ELP4: variants seen among roughly 807,000 people sequenced by gnomAD.
The protein encoded by ELP4 is elongator acetyltransferase complex subunit 4, also known as elongator complex protein 4.
Under a neutral mutation model 48.9 loss-of-function variants are expected in ELP4, and 51 were observed. The ratio of observed to expected loss-of-function variants is 1.04; its 90% CI spans 0.83 to 1.32. The LOEUF (loss-of-function observed/expected upper bound fraction) is 1.32. Ranked by LOEUF, ELP4 falls within the 40% of genes most tolerant of loss-of-function variation. ELP4 has a pLI of 0.00. For synonymous variants in ELP4, 210 were observed against 189.2 expected, an observed-to-expected ratio of 1.11 and a Z score of -0.90; for missense variants, 519 against 514.6, an observed-to-expected ratio of 1.01 and a Z score of -0.08.
Position 31,509,964 on chromosome 11 carries a change from G to A in ELP4, c.180G>A (p.Gln60=). 1 of 1,612,948 alleles carries A rather than the reference G, an allele frequency of 6.2e-7. No homozygotes were observed. Among genetic ancestry groups the A allele is most frequent in the Non-Finnish European group, 8.5e-7 (1 of 1,180,030 alleles). ...CGCGACCGTCGGTGCGGAATGGACA[G>A]CTGCTGGTATCAACCGGGCTCCCAG... The part of the protein sequence containing the change: ...AGTRPSVRNG[Q]LLVSTGLPAL... The change falls in exon 1 of 10, where the codon CAG becomes CAA. Residue 60 remains glutamine (Q), a synonymous_variant. Transcript: ENST00000640961.
chr11:31,677,658 G>A (rs540889098), intron 9 of ELP4, among the ~76,000 whole-genome samples: 194 of 152,060 alleles, frequency 1.3e-3, no homozygotes, highest in African/African-American at 4.5e-3. Flanking sequence ...AAACAAGAAT[G>A]GAATGAAATA....
At chr11:31,739,784 G>A (rs996928761) in intron 9 of ELP4, among the ~76,000 whole-genome samples, 2 of 152,136 alleles carry the variant, frequency 1.3e-5, no homozygotes, top group Admixed American at 1.3e-4. Flanking sequence ...CAAGCACAAA[G>A]CAAGCACACA....
intron 5 of ELP4, among the ~76,000 whole-genome samples, chr11:31,605,419 C>T (rs1346598089): frequency 6.6e-6 from 1 of 151,864 alleles, no homozygotes. Flanking sequence ...TAGAAGCTTG[C>T]GAAATAGGTC....
At chr11:31,722,692 TCTC>T (rs1337736257) in intron 9 of ELP4, among the ~76,000 whole-genome samples, 102 of 125,960 alleles carry the variant, frequency 8.1e-4, no homozygotes, top group Middle Eastern at 3.9e-3. Flanking sequence ...TCTCTCTCTC[TCTC>T]TGTCTCTCTC....
chr11:31,770,846 AAAAC>A (rs1424966194), intron 9 of ELP4, among the ~76,000 whole-genome samples: 4 of 130,774 alleles, frequency 3.1e-5, no homozygotes, highest in Admixed American at 7.9e-5. Flanking sequence ...GAAAAAAAAA[AAAAC>A]AAGAAAGGAG....
intron 1 of ELP4, among the ~76,000 whole-genome samples, chr11:31,518,759 AGTG>A (rs1956162476): frequency 2.6e-5 from 4 of 151,530 alleles, no homozygotes; most frequent in Admixed American, 2.0e-4. Flanking sequence ...AGCTGGGTGT[AGTG>A]GTGGGTGCCT....
At chr11:31,723,403 A>G (rs985144338) in intron 9 of ELP4, among the ~76,000 whole-genome samples, 1 of 152,012 alleles carries the variant, frequency 6.6e-6, no homozygotes, top group African/African-American at 2.4e-5. Flanking sequence ...TCACTTACAA[A>G]ACATAAATTC....
rs181213397 is a variant in ELP4 at position 31,780,990 on chromosome 11, G to A, written c.1144-2403G>A. ...ATAAAGCTTTTTCATGTTTTCCTTC[G>A]CCAACTGTGATTTCTGGTTTGTGTC... On this transcript the variant is annotated intron_variant, in intron 9 of 9. Transcript: ENST00000640961. Among the ~76,000 whole-genome samples the A allele has an allele frequency of 3.9e-3, 589 of 152,176 alleles. 4 individuals are homozygous for A. Among genetic ancestry groups the A allele is most frequent in the African/African-American group, 0.014 (561 of 41,500 alleles).
At chr11:31,627,572 T>A (rs976217524) in intron 6 of ELP4, among the ~76,000 whole-genome samples, 1 of 152,090 alleles carries the variant, frequency 6.6e-6, no homozygotes, top group African/African-American at 2.4e-5. Context: ...CAAATTACCT[T>A]ATGAGTAAGA....
rs1440468856 is a variant in ELP4 at position 31,661,888 on chromosome 11, T to G, written c.1143+11667T>G. 5.9e-5 allele frequency among the ~76,000 whole-genome samples: 9 copies of G among 152,214 alleles called. No individual in the cohort carries two copies. In the East Asian group the frequency reaches 1.7e-3, roughly 29 times the overall value. ...TGTAAAATGGAATTTTAACACATTTTGGATATTCTACAATTTTATTTAAAT... is the reference window on the plus strand; with the variant it reads ...TGTAAAATGGAATTTTAACACATTTGGGATATTCTACAATTTTATTTAAAT... On this transcript the variant is annotated intron_variant, in intron 9 of 9. Coordinates refer to ENST00000640961, the MANE Select transcript of ELP4 (RefSeq NM_019040.5).
At chr11:31,527,056 C>CTAA (rs1347858913) in intron 2 of ELP4, among the ~76,000 whole-genome samples, 1 of 152,030 alleles carries the variant, frequency 6.6e-6, no homozygotes, top group Non-Finnish European at 1.5e-5. Context: ...TTTCTCACTG[C>CTAA]TAAACCTAGA....
intron 2 of ELP4, among the ~76,000 whole-genome samples, chr11:31,532,284 T>A (rs1186273105): frequency 1.3e-5 from 2 of 152,124 alleles, no homozygotes; most frequent in East Asian, 3.9e-4. Flanking sequence ...TAAGATAACA[T>A]AAAACATGTT....
intron 9 of ELP4, among the ~76,000 whole-genome samples, chr11:31,733,866 G>T (rs191498945): frequency 6.6e-6 from 1 of 152,222 alleles, no homozygotes; most frequent in East Asian, 1.9e-4. Context: ...TTCATTTTAT[G>T]AGGCCAGCAT....
chr11:31,675,181 G>A (rs1046211344), intron 9 of ELP4, among the ~76,000 whole-genome samples: 1 of 152,178 alleles, frequency 6.6e-6, no homozygotes, highest in Non-Finnish European at 1.5e-5. Context: ...GCAGGACAGG[G>A]AAGAGATTGT....
At chr11:31,557,766 C>A (rs947161442) in intron 3 of ELP4, among the ~76,000 whole-genome samples, 2 of 151,976 alleles carry the variant, frequency 1.3e-5, no homozygotes, top group African/African-American at 2.4e-5. Flanking sequence ...AGAACAAAAG[C>A]CATACAGTGT....
In ELP4 at chr11:31,787,227, G is replaced by T. The variant is rs3026398; in HGVS notation, c.*3703G>T. 8.6e-6 allele frequency: 2 copies of T among 232,200 alleles called. No homozygotes were observed. Among genetic ancestry groups the T allele is most frequent in the African/African-American group, 2.2e-5 (1 of 45,220 alleles). 14.4% of individuals were successfully genotyped at this position (232,200 alleles called of 1,614,324 possible). On this transcript the variant is annotated 3_prime_UTR_variant, in exon 10 of 10. Transcript: ENST00000640961. ...AGAGGGCTTCTGCAGCTGAGCAGCC[G>T]CTTCTTCAGACTATACCAGACTGTG...
Position 31,786,510 on chromosome 11 carries a change from T to C in ELP4, c.*2986T>C. Reference sequence around the variant, plus strand: ...AAAGAGAAGAATATATATTTCGCCTTGGTGAGCCAAACATACAGAGAAGAA... The same window carrying C: ...AAAGAGAAGAATATATATTTCGCCTCGGTGAGCCAAACATACAGAGAAGAA... On this transcript the variant is annotated 3_prime_UTR_variant, in exon 10 of 10. Transcript: ENST00000640961. 1 of 224,398 alleles carries C rather than the reference T, an allele frequency of 4.5e-6. No individual in the cohort carries two copies. The highest frequency in any genetic ancestry group is 8.9e-6 in the Non-Finnish European group (1 of 112,538). 13.9% of individuals were successfully genotyped at this position (224,398 alleles called of 1,614,324 possible).
chr11:31,640,565 G>A (rs942734638), intron 7 of ELP4, among the ~76,000 whole-genome samples: 1 of 151,816 alleles, frequency 6.6e-6, no homozygotes, highest in Non-Finnish European at 1.5e-5. Flanking sequence ...CTTTAATAAT[G>A]TTTTCGCACC....
At chr11:31,599,125 A>G (rs905111462) in intron 4 of ELP4, 1 of 152,176 alleles carries the variant, frequency 6.6e-6, no homozygotes, top group African/African-American at 2.4e-5. Context: ...TTTTACTGAC[A>G]TTTAGTAGGT....
Sources: allele counts gnomAD v4.1 joint callset (sites outside exome capture counted in the v4.1 genomes callset), GRCh38; gene constraint gnomAD v4.1.1; transcripts MANE v1.5; gene names NCBI Gene and HGNC (gene_info 2026-07-23, HGNC 2026-07-21).